The following SLC6A5 variants were observed in gnomAD, a reference collection of about 807,000 sequenced individuals.
The protein encoded by SLC6A5 is sodium- and chloride-dependent glycine transporter 2.
SLC6A5 carries 58 observed loss-of-function variants against 90.5 expected under a neutral mutation model. The ratio of observed to expected loss-of-function variants is 0.64; its 90% CI spans 0.52 to 0.80. The LOEUF is 0.80. Among genes scored for constraint, SLC6A5 ranks in the 30% least tolerant of loss-of-function variants. The pLI is 0.00. For synonymous variants in SLC6A5, 427 were observed against 401.4 expected, an observed-to-expected ratio of 1.06 and a Z score of -0.76; for missense variants, 1,015 against 1,017.6, an observed-to-expected ratio of 1.00 and a Z score of 0.03.
intron 8 of SLC6A5, 75 bp downstream of exon 8, chr11:20,626,917 C>A (rs1014662155): frequency 8.2e-7 from 1 of 1,224,428 alleles, no homozygotes; most frequent in Non-Finnish European, 1.2e-6. Context: ...AAGGGTTAGA[C>A]TTCCTCCTCC....
At chr11:20,645,910 C>T (rs1233252936) in intron 13 of SLC6A5, among the ~76,000 whole-genome samples, 1 of 152,150 alleles carries the variant, frequency 6.6e-6, no homozygotes, top group Non-Finnish European at 1.5e-5. Flanking sequence ...GCTGGGATTA[C>T]AGGCATGAGC....
chr11:20,640,209 A>C (rs1353905842), intron 13 of SLC6A5, among the ~76,000 whole-genome samples: 3 of 152,224 alleles, frequency 2.0e-5, no homozygotes, highest in African/African-American at 7.2e-5. Context: ...CTTTATTTGC[A>C]GCACTGGCCC....
intron 2 of SLC6A5, among the ~76,000 whole-genome samples, chr11:20,603,166 C>G (rs571422986): frequency 8.5e-5 from 13 of 152,192 alleles, no homozygotes; most frequent in Non-Finnish European, 1.5e-4. Context: ...CCTGCACACC[C>G]TGTAGAAAAG....
In SLC6A5 at chr11:20,607,588, C is replaced by T. The variant is rs566070819; in HGVS notation, c.921C>T (p.Pro307=). The part of the protein sequence containing the change: ...YLFASFVSVL[P]WGSCNNPWNT... ...TTGCCTCCTTTGTGTCTGTACTACCCTGGGGCTCCTGCAACAACCCTTGGA... is the reference window on the plus strand; with the variant it reads ...TTGCCTCCTTTGTGTCTGTACTACCTTGGGGCTCCTGCAACAACCCTTGGA... Residue 307 remains proline, a synonymous_variant, in exon 5 of 16, where the codon CCC becomes CCT. Coordinates refer to ENST00000525748, the MANE Select transcript of SLC6A5 (RefSeq NM_004211.5). 7.4e-6 allele frequency: 12 copies of T among 1,614,068 alleles called. No individual in the cohort carries two copies. In the East Asian group the frequency reaches 2.5e-4, roughly 33 times the overall value.
At chr11:20,649,458 G>A (rs1853482258) in intron 14 of SLC6A5, among the ~76,000 whole-genome samples, 1 of 152,152 alleles carries the variant, frequency 6.6e-6, no homozygotes, top group Non-Finnish European at 1.5e-5. Flanking sequence ...AAGTTAACTT[G>A]GCAGAGGGAA....
intron 7 of SLC6A5, among the ~76,000 whole-genome samples, chr11:20,623,841 C>A (rs554189231): frequency 5.3e-5 from 8 of 152,212 alleles, no homozygotes; most frequent in African/African-American, 1.9e-4. Flanking sequence ...CTTCCTTGAC[C>A]AACTTCTCCC....
Position 20,601,125 on chromosome 11 carries a change from G to T in SLC6A5, c.4-4G>T. On this transcript the variant is annotated splice_polypyrimidine_tract_variant and splice_region_variant and intron_variant, in intron 1 of 15. Transcript: ENST00000525748. ...TTTGCACGAACTTGACATTGTGTTT[G>T]CAGGATTGCAGTGCTCCCAAGGAAA... is the stretch of plus-strand genomic sequence containing the variant. 6.3e-7 allele frequency: 1 copy of T among 1,587,190 alleles called. No individual in the cohort carries two copies. The highest frequency in any genetic ancestry group is 8.5e-7 in the Non-Finnish European group (1 of 1,174,276).
chr11:20,603,090 C>T (rs1173295583), intron 2 of SLC6A5, among the ~76,000 whole-genome samples: 1 of 152,148 alleles, frequency 6.6e-6, no homozygotes, highest in Admixed American at 6.6e-5. Flanking sequence ...TCTGATTGTG[C>T]CTTTCTGACA....
At chr11:20,623,637 T>A (rs1852934933) in intron 7 of SLC6A5, among the ~76,000 whole-genome samples, 1 of 152,156 alleles carries the variant, frequency 6.6e-6, no homozygotes, top group Admixed American at 6.5e-5. Context: ...GTGAGAGCTC[T>A]GCCTGGCCCC....
chr11:20,627,509 C>T (rs1421409588), intron 8 of SLC6A5, among the ~76,000 whole-genome samples: 1 of 152,216 alleles, frequency 6.6e-6, no homozygotes, highest in African/African-American at 2.4e-5. Flanking sequence ...GGACGTGACA[C>T]TATAAAGTCT....
intron 13 of SLC6A5, 41 bp downstream of exon 13, chr11:20,638,599 G>A: frequency 8.4e-7 from 1 of 1,189,180 alleles, no homozygotes; most frequent in South Asian, 1.2e-5. Flanking sequence ...TAGAGCTTGA[G>A]TGTCGGTAAG....
chr11:20,600,295 T>C (rs1010849088), intron 1 of SLC6A5, among the ~76,000 whole-genome samples: 5 of 147,482 alleles, frequency 3.4e-5, no homozygotes, highest in Non-Finnish European at 4.4e-5. Context: ...TTGTGAAGGA[T>C]ATTAGACTCC....
At chr11:20,634,388 TG>T (rs1853164546) in intron 10 of SLC6A5, among the ~76,000 whole-genome samples, 1 of 152,250 alleles carries the variant, frequency 6.6e-6, no homozygotes, top group African/African-American at 2.4e-5. Flanking sequence ...TGCCTTCACC[TG>T]GGTGCTTTAG....
Position 20,601,135 on chromosome 11 carries a change from A to T in SLC6A5, c.10A>T (p.Ser4Cys). ...CTTGACATTGTGTTTGCAGGATTGC[A>T]GTGCTCCCAAGGAAATGAATAAACT... MDC[S>C]APKEMNKLPA... The change falls in exon 2 of 16, where the codon AGT (serine) becomes TGT (cysteine). Residue 4 changes from serine to cysteine, a missense_variant. Transcript: ENST00000525748. 1.3e-6 allele frequency: 2 copies of T among 1,590,300 alleles called. No individual in the cohort carries two copies. The highest frequency in any genetic ancestry group is 1.7e-6 in the Non-Finnish European group (2 of 1,175,890).
At chr11:20,633,486 T>C (rs1172689399) in intron 10 of SLC6A5, among the ~76,000 whole-genome samples, 1 of 152,162 alleles carries the variant, frequency 6.6e-6, no homozygotes, top group African/African-American at 2.4e-5. Context: ...GTAATAGTTA[T>C]CACAGCAGAG....
At chr11:20,648,727 C>G (rs1258454107) in intron 14 of SLC6A5, among the ~76,000 whole-genome samples, 3 of 152,176 alleles carry the variant, frequency 2.0e-5, no homozygotes, top group Non-Finnish European at 4.4e-5. Flanking sequence ...TTCTAGATTT[C>G]CTCTTGCTTT....
intron 5 of SLC6A5, 75 bp downstream of exon 5, chr11:20,607,727 T>C (rs1040484478): frequency 1.4e-5 from 17 of 1,175,492 alleles, no homozygotes; most frequent in Middle Eastern, 3.8e-4. Context: ...ATTGAACATA[T>C]ATTATGCATG....
chr11:20,654,954 TC>T lies in SLC6A5; in HGVS notation c.*87del, dbSNP rs1853615613. ...TTTTCCATAGCTCTCCTCCCATTTT[TC>T]TTCATCTTTCTTCCTACATCTTGGT... On this transcript the variant is annotated 3_prime_UTR_variant, in exon 16 of 16. Transcript: ENST00000525748. The T allele has an allele frequency of 7.6e-7, 1 of 1,321,264 alleles. No individual in the cohort carries two copies. Among genetic ancestry groups the T allele is most frequent in the East Asian group, 2.3e-5 (1 of 43,578 alleles). 81.8% of individuals were successfully genotyped at this position (1,321,264 alleles called of 1,614,324 possible).
intron 14 of SLC6A5, among the ~76,000 whole-genome samples, chr11:20,650,749 C>CT (rs1853512776): frequency 6.7e-6 from 1 of 149,942 alleles, no homozygotes; most frequent in Non-Finnish European, 1.5e-5. Flanking sequence ...TCACTGCAAG[C>CT]TCCGCCTCCC....
Sources: gnomAD v4.1 joint callset for allele counts (sites outside exome capture counted in the v4.1 genomes callset) on GRCh38, gnomAD v4.1.1 for gene constraint, MANE v1.5 for transcripts, NCBI Gene and HGNC (gene_info 2026-07-23, HGNC 2026-07-21) for gene names.